The following CCDC88C variants were observed in gnomAD, a reference collection of about 807,000 sequenced individuals.
CCDC88C encodes coiled-coil and HOOK domain protein 88C.
A neutral mutation model predicts 198.8 loss-of-function variants in CCDC88C; 131 were observed. That is an observed-to-expected ratio of 0.66 (90% CI 0.57 to 0.76). The LOEUF (loss-of-function observed/expected upper bound fraction) is 0.76. CCDC88C is among the 30% of genes least tolerant of loss of function. The pLI is 0.00. For missense variants in CCDC88C, 2,553 were observed against 2,631.6 expected, an observed-to-expected ratio of 0.97 and a Z score of 0.65; for synonymous variants, 1,166 against 1,114.7, an observed-to-expected ratio of 1.05 and a Z score of -0.92.
At chr14:91,356,699 A>T (rs1894051338) in intron 4 of CCDC88C, among the ~76,000 whole-genome samples, 1 of 147,002 alleles carries the variant, frequency 6.8e-6, no homozygotes, top group African/African-American at 2.5e-5. Context: ...TAAAGCTGTT[A>T]AAAAAAAAAA....
At chr14:91,399,122 C>A (rs1391726023) in intron 3 of CCDC88C, among the ~76,000 whole-genome samples, 1 of 152,182 alleles carries the variant, frequency 6.6e-6, no homozygotes, top group Non-Finnish European at 1.5e-5. Flanking sequence ...CTGGGGCCTG[C>A]TCCCACCTCC....
Position 91,400,176 on chromosome 14 carries a change from G to A in CCDC88C, c.270+8483C>T, listed in dbSNP as rs185012077. On this transcript the variant is annotated intron_variant, in intron 3 of 29. Transcript: ENST00000389857. ...CCACCCCACAAAACGTGAGCATCTC[G>A]GGCATGGAGAGGACAAGAAAGAGAA... is the stretch of plus-strand genomic sequence containing the variant. 6.9e-4 allele frequency among the ~76,000 whole-genome samples: 105 copies of A among 152,310 alleles called. 1 individual carries two copies. The East Asian group carries it at 0.013, about 19-fold the overall frequency.
Position 91,313,826 on chromosome 14 carries a change from G to C in CCDC88C, c.1990C>G (p.Leu664Val), listed in dbSNP as rs745847356. The change falls in exon 15 of 30, where the codon CTG becomes GTG. Residue 664 changes from leucine (L) to valine (V), a missense_variant. Physicochemically the swap from Leu to Val is conservative, Grantham distance 32 (BLOSUM62 1). Around this residue, in one of 2 missense-constraint regions of CCDC88C, gnomAD observed 1,260 missense variants for 1,412.0 expected, o/e 0.89. Coordinates refer to ENST00000389857, the MANE Select transcript of CCDC88C (RefSeq NM_001080414.4). This position sits in a 1 kb window ranked among gnomAD's most constrained non-coding sequence, Gnocchi z 5.2. ...LETATEKVEA[L>V]EHESQGLQLE... Reference sequence around the variant, plus strand: ...TGCAGGCCCTGGCTCTCATGCTCCAGGGCCTCGACTTTCTCGGTGGCTGTC... The same window carrying C: ...TGCAGGCCCTGGCTCTCATGCTCCACGGCCTCGACTTTCTCGGTGGCTGTC... 2 of 1,604,160 alleles carry C rather than the reference G, an allele frequency of 1.2e-6. No homozygotes were observed. The highest frequency in any genetic ancestry group is 2.2e-5 in the East Asian group (1 of 44,746).
intron 3 of CCDC88C, among the ~76,000 whole-genome samples, chr14:91,402,473 G>T (rs968119582): frequency 2.0e-4 from 30 of 152,318 alleles, no homozygotes; most frequent in African/African-American, 7.0e-4. Flanking sequence ...TGCCGTTTAT[G>T]GAAGTCTCGA....
chr14:91,409,897 C>A (rs1886711769), intron 2 of CCDC88C, among the ~76,000 whole-genome samples: 1 of 152,228 alleles, frequency 6.6e-6, no homozygotes, highest in African/African-American at 2.4e-5. Context: ...CTGTGATTTA[C>A]AAATTCCAGG....
intron 3 of CCDC88C, among the ~76,000 whole-genome samples, chr14:91,389,876 T>C (rs1359457022): frequency 6.6e-6 from 1 of 151,666 alleles, no homozygotes; most frequent in Non-Finnish European, 1.5e-5. Flanking sequence ...ATGGAGACCA[T>C]CCTGGCTAAC....
At chr14:91,329,881 C>T (rs1018604736) in intron 10 of CCDC88C, among the ~76,000 whole-genome samples, 1 of 152,350 alleles carries the variant, frequency 6.6e-6, no homozygotes, top group South Asian at 2.1e-4. Flanking sequence ...TTGGGCCAGA[C>T]CCTGAGAATG....
chr14:91,338,056 G>A lies in CCDC88C; in HGVS notation c.999C>T (p.Thr333=), dbSNP rs1893130734. 1 of 1,613,648 alleles carries A rather than the reference G, an allele frequency of 6.2e-7. No individual in the cohort carries two copies. Among genetic ancestry groups the A allele is most frequent in the East Asian group, 2.2e-5 (1 of 44,890 alleles). Residue 333 remains threonine, a synonymous_variant, in exon 10 of 30, where the codon ACC becomes ACT. Transcript: ENST00000389857. The surrounding 1 kb of genome is among the most constrained non-coding windows in gnomAD (Gnocchi z 4.8). The part of the protein sequence containing the change: ...NRVERLELEL[T]RCKEKLHDVD... ...CGTCGTGCAGCTTCTCCTTGCAGCGGGTCAGCTCCAGCTCCAGCCTCTCCA... is the reference window on the plus strand; with the variant it reads ...CGTCGTGCAGCTTCTCCTTGCAGCGAGTCAGCTCCAGCTCCAGCCTCTCCA...
chr14:91,274,987 C>T lies in CCDC88C; in HGVS notation c.5059-1334G>A, dbSNP rs528199860. Among the ~76,000 whole-genome samples, 98 of 152,274 alleles carry T rather than the reference C, an allele frequency of 6.4e-4. 1 individual carries two copies. The highest frequency in any genetic ancestry group is 2.3e-3 in the African/African-American group (97 of 41,540). Reference sequence around the variant, plus strand: ...TTCCTGGCCACGCAGGGAGCCCCATCTTGTGACATGCCCTCCCTGCATCAT... The same window carrying T: ...TTCCTGGCCACGCAGGGAGCCCCATTTTGTGACATGCCCTCCCTGCATCAT... On this transcript the variant is annotated intron_variant, in intron 29 of 29. Transcript: ENST00000389857.
intron 3 of CCDC88C, among the ~76,000 whole-genome samples, chr14:91,402,843 A>C (rs1886286493): frequency 6.6e-6 from 1 of 152,198 alleles, no homozygotes. Flanking sequence ...TAAAGGAAAA[A>C]GAAAAGGGCT....
At chr14:91,379,019 G>A (rs900125415) in intron 3 of CCDC88C, 2 of 152,192 alleles carry the variant, frequency 1.3e-5, no homozygotes, top group Admixed American at 1.3e-4. Flanking sequence ...GCCACAGTAC[G>A]GTGTGTGGAT....
At chr14:91,354,542 G>C (rs530414989) in intron 4 of CCDC88C, among the ~76,000 whole-genome samples, 1 of 152,322 alleles carries the variant, frequency 6.6e-6, no homozygotes, top group South Asian at 2.1e-4. Flanking sequence ...TCAGGCCTAG[G>C]GGAGACAGAC....
At chr14:91,349,016 A>AT (rs990349304) in intron 4 of CCDC88C, among the ~76,000 whole-genome samples, 5 of 152,222 alleles carry the variant, frequency 3.3e-5, no homozygotes, top group Non-Finnish European at 4.4e-5. Context: ...GATTTCAGTC[A>AT]TAAGAAAAAC....
At chr14:91,349,116 T>C (rs1468018239) in intron 4 of CCDC88C, among the ~76,000 whole-genome samples, 3 of 152,212 alleles carry the variant, frequency 2.0e-5, no homozygotes, top group African/African-American at 7.2e-5. Context: ...CCAGTAAGAC[T>C]GGCTCAGTGA....
In CCDC88C at chr14:91,289,318, C is replaced by T. The variant is rs1336001458; in HGVS notation, c.4228G>A (p.Ala1410Thr). The change falls in exon 25 of 30, where the codon GCC (alanine) becomes ACC (threonine). Residue 1410 changes from alanine to threonine, a missense_variant. By Grantham distance (58) the Ala-to-Thr change is moderately conservative. This residue lies in a region of CCDC88C where 1,293 missense variants were observed against 1,219.6 expected (regional missense o/e 1.06). Transcript: ENST00000389857. Reference sequence around the variant, plus strand: ...TTTGGTTTGATGAGTTTGACTAAGGCTTTGGCTCCAATCCAGTGGTTCTTC... The same window carrying T: ...TTTGGTTTGATGAGTTTGACTAAGGTTTTGGCTCCAATCCAGTGGTTCTTC... ...KKKNHWIGAKALVKLIKPKKE... is the reference protein window; with the variant it reads ...KKKNHWIGAKTLVKLIKPKKE... The T allele has an allele frequency of 6.2e-7, 1 of 1,614,024 alleles. No homozygotes were observed. The highest frequency in any genetic ancestry group is 2.2e-5 in the East Asian group (1 of 44,888).
At chr14:91,396,664 C>T (rs537071141) in intron 3 of CCDC88C, among the ~76,000 whole-genome samples, 7 of 152,308 alleles carry the variant, frequency 4.6e-5, no homozygotes, top group African/African-American at 1.7e-4. Context: ...CCTTGCCCTC[C>T]GATCAGGGGA....
At chr14:91,387,135 C>A (rs1003778090) in intron 3 of CCDC88C, among the ~76,000 whole-genome samples, 1 of 152,214 alleles carries the variant, frequency 6.6e-6, no homozygotes, top group South Asian at 2.1e-4. Context: ...ACATCCAAAA[C>A]GCACAGCCTA....
At chr14:91,378,170 T>G (rs911288399) in intron 3 of CCDC88C, among the ~76,000 whole-genome samples, 2 of 152,038 alleles carry the variant, frequency 1.3e-5, no homozygotes, top group African/African-American at 2.4e-5. Flanking sequence ...GTGACACAGA[T>G]AGGAAACAGT....
At chr14:91,292,519 C>T (rs78697224) in intron 23 of CCDC88C, among the ~76,000 whole-genome samples, 461 of 152,276 alleles carry the variant, frequency 3.0e-3, no homozygotes, top group African/African-American at 0.01. Flanking sequence ...AACCATCCTC[C>T]CGAAGGTGGC....
Sources: allele counts gnomAD v4.1 joint callset (sites outside exome capture counted in the v4.1 genomes callset), GRCh38; gene constraint gnomAD v4.1.1; regional missense constraint gnomAD v4.1.1; non-coding constraint Gnocchi (gnomAD v3.1); transcripts MANE v1.5; gene names NCBI Gene and HGNC (gene_info 2026-07-23, HGNC 2026-07-21).